Variants in SLC25A22 observed in about 807,000 individuals in gnomAD.
The protein encoded by SLC25A22 is mitochondrial glutamate carrier 1.
In SLC25A22, 23 loss-of-function variants were observed where a neutral mutation model predicts 33.7. The ratio of observed to expected loss-of-function variants is 0.68; its 90% confidence interval spans 0.49 to 0.97. SLC25A22 has a LOEUF of 0.97. Ranked by LOEUF, SLC25A22 falls within the 50% of genes least tolerant of loss-of-function variation. SLC25A22 has a pLI of 0.00. For missense variants in SLC25A22, 390 were observed against 451.1 expected (o/e 0.86, Z 1.23); for synonymous variants, 245 against 203.8 (o/e 1.20, Z -1.72).
Position 797,136 on chromosome 11 carries a change from G to A in SLC25A22, c.-164+1081C>T, listed in dbSNP as rs1487332465. ...CTGCATGATAGGGGCAATCCTGGAAGTCAGGCCGACCGAGGTGGGGAGCGG... is the reference window on the plus strand; with the variant it reads ...CTGCATGATAGGGGCAATCCTGGAAATCAGGCCGACCGAGGTGGGGAGCGG... On this transcript the variant is annotated intron_variant, in intron 1 of 9. Coordinates refer to ENST00000628067, the MANE Select transcript of SLC25A22 (RefSeq NM_001191061.2). 2.6e-5 allele frequency among the ~76,000 whole-genome samples: 4 copies of A among 152,334 alleles called. No homozygotes were observed. The East Asian group carries it at 5.8e-4, about 22-fold the overall frequency.
chr11:792,184 C>T lies in SLC25A22; in HGVS notation c.776G>A (p.Gly259Asp), dbSNP rs554297762. 6.2e-7 allele frequency: 1 copy of T among 1,612,920 alleles called. No individual in the cohort carries two copies. ...CCCAGAGTAGGTGTCCTCGTTGACGCCTCGCTGAAGTGACTGGAGCCGCGT... is the reference window on the plus strand; with the variant it reads ...CCCAGAGTAGGTGTCCTCGTTGACGTCTCGCTGAAGTGACTGGAGCCGCGT... ...VKTRLQSLQR[G>D]VNEDTYSGIL... The change falls in exon 9 of 10, where the codon GGC becomes GAC. Residue 259 changes from glycine (G) to aspartate (D), a missense_variant. Gly to Asp is a moderately conservative substitution (Grantham distance 94, BLOSUM62 -1). Transcript: ENST00000628067.
intron 1 of SLC25A22, 48 bp from the exon 2 acceptor site, chr11:795,217 G>A (rs1392144791): frequency 1.5e-6 from 1 of 681,808 alleles, no homozygotes; most frequent in African/African-American, 1.8e-5. Context: ...GCCACCCGAA[G>A]AGTAATCCTC....
chr11:792,672 G>A lies in SLC25A22; in HGVS notation c.468C>T (p.Ala156=), dbSNP rs764277856. 55 of 1,565,060 alleles carry A rather than the reference G, an allele frequency of 3.5e-5. No individual in the cohort carries two copies. The East Asian group carries it at 1.1e-3, about 31-fold the overall frequency. The change falls in exon 7 of 10, where the codon GCC becomes GCT. Residue 156 remains alanine (A), a synonymous_variant. Transcript: ENST00000628067. The stretch of plus-strand genomic sequence containing the variant: ...CAGCTGGAGCCTCCACTGAGGGCTG[G>A]GCACCCCCCTGGGCCGAGAGCTGGC... ...AQGQLSAQGG[A]QPSVEAPAAP... is the part of the protein sequence containing the mutation.
In SLC25A22 at chr11:794,442, C is replaced by G. The variant is rs1864686370; in HGVS notation, c.202+16G>C. The G allele has an allele frequency of 1.2e-6, 2 of 1,611,698 alleles. No homozygotes were observed. Among genetic ancestry groups the G allele is most frequent in the African/African-American group, 2.7e-5 (2 of 74,824 alleles). On this transcript the variant is annotated intron_variant, in intron 4 of 9. Transcript: ENST00000628067. Reference sequence around the variant, plus strand: ...CCAGGCCTGCCCATATCGAGCCCAGCCGAGCCAAACCTCACCCCGGTACAT... The same window carrying G: ...CCAGGCCTGCCCATATCGAGCCCAGGCGAGCCAAACCTCACCCCGGTACAT...
intron 5 of SLC25A22, among the ~76,000 whole-genome samples, chr11:793,290 G>A (rs988763026): frequency 7.2e-5 from 11 of 152,324 alleles, no homozygotes; most frequent in African/African-American, 2.6e-4. Flanking sequence ...CTCCAGTGAT[G>A]GGGGAGCTGG....
chr11:792,108 C>G (rs1400884152), intron 9 of SLC25A22, 34 bp downstream of exon 9: 1 of 1,606,022 alleles, frequency 6.2e-7, no homozygotes, highest in Non-Finnish European at 8.5e-7. Flanking sequence ...GGTACGCAGG[C>G]CCCCAGGCCC....
At chr11:796,931 C>T (rs573468641) in intron 1 of SLC25A22, among the ~76,000 whole-genome samples, 1 of 152,314 alleles carries the variant, frequency 6.6e-6, no homozygotes, top group Admixed American at 6.5e-5. Flanking sequence ...TACCTGATCC[C>T]TCCTAGCCCC....
At position 792,466 on chromosome 11, in the gene SLC25A22, G is replaced by A. The variant is rs778856445; in HGVS notation, c.588-8C>T. ...ACAGAGAAGGGGACATCCCTGTGGG[G>A]AGGGAGGTGGCCGTGGGGACAGGAG... On this transcript the variant is annotated splice_region_variant and splice_polypyrimidine_tract_variant and intron_variant, in intron 7 of 9. Transcript: ENST00000628067. The A allele has an allele frequency of 6.8e-6, 11 of 1,613,100 alleles. No individual in the cohort carries two copies. In the East Asian group the frequency reaches 2.5e-4, roughly 36 times the overall value.
intron 1 of SLC25A22, 110 bp downstream of exon 1, chr11:798,107 G>A: frequency 3.2e-6 from 1 of 308,870 alleles, no homozygotes. Context: ...GCCAGGCCAC[G>A]TTGTTCGGGC....
chr11:798,172 G>A, intron 1 of SLC25A22, 45 bp downstream of exon 1: 2 of 397,424 alleles, frequency 5.0e-6, no homozygotes, highest in Admixed American at 4.4e-5. Context: ...GCCCGGCCGC[G>A]TTCGGATGGG....
intron 1 of SLC25A22, chr11:797,813 G>C (rs2133732495): frequency 2.5e-6 from 1 of 398,690 alleles, no homozygotes; most frequent in South Asian, 1.3e-4. Context: ...TCGGAGGCCG[G>C]CTCAGGCCCC....
chr11:791,765 A>C lies in SLC25A22; in HGVS notation c.*150T>G. 1 of 1,078,388 alleles carries C rather than the reference A, an allele frequency of 9.3e-7. No homozygotes were observed. Among genetic ancestry groups the C allele is most frequent in the Non-Finnish European group, 1.3e-6 (1 of 772,750 alleles). 66.8% of individuals were successfully genotyped at this position (1,078,388 alleles called of 1,614,324 possible). On this transcript the variant is annotated 3_prime_UTR_variant, in exon 10 of 10. Coordinates refer to ENST00000628067, the MANE Select transcript of SLC25A22 (RefSeq NM_001191061.2). ...ACCCCGGGGGGCTTGCGTGTGCACC[A>C]CCTATGTGGACCCTGCACCCTGCCC...
At chr11:797,458 G>A (rs903563484) in intron 1 of SLC25A22, 152 of 396,076 alleles carry the variant, frequency 3.8e-4, no homozygotes, top group Non-Finnish European at 1.7e-4. Flanking sequence ...GCTGTGAGCC[G>A]TCACTGTCCC....
At chr11:795,566 CAG>C (rs1360704030) in intron 1 of SLC25A22, 3 of 252,520 alleles carry the variant, frequency 1.2e-5, no homozygotes, top group African/African-American at 2.2e-5. Flanking sequence ...TCCTTCAGCA[CAG>C]AGAGAGCAGC....
intron 1 of SLC25A22, chr11:795,392 T>G: frequency 2.8e-6 from 1 of 354,216 alleles, no homozygotes; most frequent in Non-Finnish European, 5.3e-6. Context: ...CGCCAGCGTC[T>G]TCCCAGCCAG....
At chr11:795,368 C>G (rs1368493197) in intron 1 of SLC25A22, 199 bp from the exon 2 acceptor site, 7 of 179,378 alleles carry the variant, frequency 3.9e-5, no homozygotes, top group Admixed American at 8.4e-5. Context: ...TCCTTTCAGT[C>G]CCCCCCTCCC....
At chr11:795,423 C>G (rs1012110956) in intron 1 of SLC25A22, 1 of 369,288 alleles carries the variant, frequency 2.7e-6, no homozygotes, top group South Asian at 2.2e-5. Context: ...CGCTCACGCT[C>G]GGGGCTCACG....
rs1158462554 is a variant in SLC25A22, at chr11:790,883, C to CCAGGGGCCTTATG, written c.*1019_*1031dup. 16 of 152,202 alleles carry CCAGGGGCCTTATG rather than the reference C, an allele frequency of 1.1e-4. No homozygotes were observed. The highest frequency in any genetic ancestry group is 8.5e-4 in the Admixed American group (13 of 15,284). The allele number at this position is 152,202 out of a possible 1,614,324, so 9.4% of individuals were successfully genotyped here. A position where few individuals can be genotyped will look rare whatever the true frequency, so the allele number is the denominator to read the frequency against. On this transcript the variant is annotated 3_prime_UTR_variant, in exon 10 of 10. Transcript: ENST00000628067. Reference sequence around the variant, plus strand: ...GAAGGATGGGGCTTCTGCAGTGTACCCAGGGGCCTTATGCAGAGGCTGAAA... The same window carrying CCAGGGGCCTTATG: ...GAAGGATGGGGCTTCTGCAGTGTACCCAGGGGCCTTATGCAGGGGCCTTATGCAGAGGCTGAAA...
Position 795,000 on chromosome 11 carries a change from C to G in SLC25A22, c.7G>C (p.Asp3His). 1 of 1,557,134 alleles carries G rather than the reference C, an allele frequency of 6.4e-7. No homozygotes were observed. Among genetic ancestry groups the G allele is most frequent in the Non-Finnish European group, 8.7e-7 (1 of 1,150,446 alleles). Residue 3 changes from aspartate (D) to histidine (H), a missense_variant, in exon 2 of 10, where the codon GAT becomes CAT. Asp to His is a moderately conservative substitution (Grantham distance 81). Transcript: ENST00000628067. ...CTGGAGTCTGACCTGATCTGCTTAT[C>G]AGCCATTTAACTCGATTGCACCCAG... is the stretch of plus-strand genomic sequence containing the variant. The part of the protein sequence containing the change: MA[D>H]KQISLPAKLI...
Sources: allele counts gnomAD v4.1 joint callset (sites outside exome capture counted in the v4.1 genomes callset), GRCh38; gene constraint gnomAD v4.1.1; transcripts MANE v1.5; gene names NCBI Gene and HGNC (gene_info 2026-07-23, HGNC 2026-07-21).